Variants in SUGCT observed in about 807,000 individuals in gnomAD.
SUGCT encodes succinyl-CoA:glutarate-CoA transferase.
Under a neutral mutation model 55.0 loss-of-function variants are expected in SUGCT, and 41 were observed. That is an observed-to-expected ratio of 0.74 (90% CI 0.58 to 0.97). SUGCT has a LOEUF of 0.97. Ranked by LOEUF, SUGCT falls within the 50% of genes least tolerant of loss-of-function variation. The pLI, the probability that SUGCT is intolerant of heterozygous loss-of-function variation, is 0.00. For synonymous variants in SUGCT, 187 were observed against 200.4 expected (o/e 0.93, Z 0.56); for missense variants, 568 against 547.8 (o/e 1.04, Z -0.37).
intron 6 of SUGCT, among the ~76,000 whole-genome samples, chr7:40,218,013 A>C (rs1181204718): frequency 6.6e-6 from 1 of 152,176 alleles, no homozygotes; most frequent in Non-Finnish European, 1.5e-5. Flanking sequence ...CAGGAGTTTG[A>C]GATCATCCTG....
At chr7:40,238,950 A>C (rs1789187207) in intron 7 of SUGCT, among the ~76,000 whole-genome samples, 1 of 151,816 alleles carries the variant, frequency 6.6e-6, no homozygotes, top group South Asian at 2.1e-4. Context: ...CCTCCCGAGT[A>C]GCTGAGATTA....
chr7:40,875,033 C>A, the SUGCT span, among the ~76,000 whole-genome samples: 6 of 152,202 alleles, frequency 3.9e-5, no homozygotes, highest in African/African-American at 1.2e-4. Context: ...TTAGTCATGG[C>A]CAATTAAAAT....
chr7:40,869,818 T>C, the SUGCT span, among the ~76,000 whole-genome samples: 169 of 152,326 alleles, frequency 1.1e-3, no homozygotes, highest in African/African-American at 3.9e-3. Flanking sequence ...TTGTAGAATG[T>C]CCATTAATTT....
chr7:40,143,902 C>T (rs1008227806), intron 1 of SUGCT, among the ~76,000 whole-genome samples: 2 of 152,266 alleles, frequency 1.3e-5, no homozygotes, highest in Middle Eastern at 3.4e-3. Context: ...TTTGAGGGTT[C>T]GAGATAATAA....
intron 8 of SUGCT, among the ~76,000 whole-genome samples, chr7:40,283,957 ATTTGG>A (rs1219023064): frequency 6.6e-6 from 1 of 152,212 alleles, no homozygotes; most frequent in Admixed American, 6.5e-5. Context: ...ATGCAATGTA[ATTTGG>A]TTTAGCCTTA....
At chr7:40,543,956 G>T (rs752990535) in intron 12 of SUGCT, among the ~76,000 whole-genome samples, 1 of 152,122 alleles carries the variant, frequency 6.6e-6, no homozygotes, top group Non-Finnish European at 1.5e-5. Flanking sequence ...CTGTTTTCAG[G>T]TATGGCTTCA....
intron 7 of SUGCT, among the ~76,000 whole-genome samples, chr7:40,267,617 G>A (rs1178144434): frequency 6.6e-6 from 1 of 152,156 alleles, no homozygotes; most frequent in Non-Finnish European, 1.5e-5. Flanking sequence ...GTTTAGTACT[G>A]CTATAGCAGC....
At chr7:41,027,683 T>A in the SUGCT span, among the ~76,000 whole-genome samples, 1 of 152,156 alleles carries the variant, frequency 6.6e-6, no homozygotes, top group Non-Finnish European at 1.5e-5. Flanking sequence ...CTGGGGAATA[T>A]AAACCAGTTG....
intron 7 of SUGCT, among the ~76,000 whole-genome samples, chr7:40,245,396 G>A (rs1255446852): frequency 1.0e-5 from 1 of 95,512 alleles, no homozygotes; most frequent in Non-Finnish European, 2.0e-5. Context: ...TTATAGGTAC[G>A]TAGTAGACAT....
chr7:40,576,896 G>A (rs1035981430), intron 12 of SUGCT, among the ~76,000 whole-genome samples: 5 of 152,154 alleles, frequency 3.3e-5, no homozygotes, highest in Non-Finnish European at 7.4e-5. Flanking sequence ...AACCAAACAA[G>A]GAAAGGTGAT....
intron 13 of SUGCT, among the ~76,000 whole-genome samples, chr7:40,799,436 C>G (rs1790706908): frequency 6.6e-6 from 1 of 151,974 alleles, no homozygotes; most frequent in Admixed American, 6.6e-5. Flanking sequence ...GTATGTTTTC[C>G]TAAAGAAAGT....
the SUGCT span, among the ~76,000 whole-genome samples, chr7:40,954,389 C>T: frequency 6.6e-6 from 1 of 152,198 alleles, no homozygotes; most frequent in East Asian, 1.9e-4. Context: ...TTCCTGACCC[C>T]TTGCACTTCC....
chr7:40,639,105 CAGAATGCAG>C (rs1800147634), intron 12 of SUGCT, among the ~76,000 whole-genome samples: 1 of 152,174 alleles, frequency 6.6e-6, no homozygotes, highest in Non-Finnish European at 1.5e-5. Flanking sequence ...GCATCTTGTG[CAGAATGCAG>C]AATTTATATC....
At chr7:40,588,071 T>C (rs1320072572) in intron 12 of SUGCT, among the ~76,000 whole-genome samples, 1 of 151,882 alleles carries the variant, frequency 6.6e-6, no homozygotes, top group African/African-American at 2.4e-5. Flanking sequence ...CCCGGCTAAT[T>C]TTTGTATTTT....
At chr7:40,409,665 AT>A (rs1201217457) in intron 9 of SUGCT, among the ~76,000 whole-genome samples, 1 of 149,330 alleles carries the variant, frequency 6.7e-6, no homozygotes, top group Non-Finnish European at 1.5e-5. Context: ...TTCATTTTTA[AT>A]TTTTTTTGCT....
At chr7:40,391,377 C>T (rs1264540506) in intron 9 of SUGCT, among the ~76,000 whole-genome samples, 1 of 152,122 alleles carries the variant, frequency 6.6e-6, no homozygotes, top group African/African-American at 2.4e-5. Context: ...TTTTTACAAT[C>T]TACCCGTCTG....
the SUGCT span, among the ~76,000 whole-genome samples, chr7:40,931,397 T>A: frequency 2.6e-5 from 4 of 152,154 alleles, no homozygotes; most frequent in African/African-American, 7.2e-5. Context: ...TTTTGTTGTA[T>A]CTCTGCCCGG....
the SUGCT span, among the ~76,000 whole-genome samples, chr7:41,005,178 T>G: frequency 6.6e-6 from 1 of 152,092 alleles, no homozygotes; most frequent in Non-Finnish European, 1.5e-5. Flanking sequence ...GGAATTATTT[T>G]TTTAATTTTC....
chr7:40,567,712 A>G (rs1796222257), intron 12 of SUGCT, among the ~76,000 whole-genome samples: 1 of 152,154 alleles, frequency 6.6e-6, no homozygotes, highest in Admixed American at 6.5e-5. Flanking sequence ...ACATTCTAAC[A>G]TGTCACAAGT....
Sources: gnomAD v4.1 joint callset for allele counts (sites outside exome capture counted in the v4.1 genomes callset) on GRCh38, gnomAD v4.1.1 for gene constraint, MANE v1.5 for transcripts, NCBI Gene and HGNC (gene_info 2026-07-23, HGNC 2026-07-21) for gene names.